HSD17B2: variants seen among roughly 807,000 people sequenced by gnomAD.
The protein encoded by HSD17B2 is 17-beta-hydroxysteroid dehydrogenase type 2.
HSD17B2 carries 32 observed loss-of-function variants against 26.9 expected under a neutral mutation model. The observed-to-expected ratio is 1.19, with a 90% CI of 0.90 to 1.60. The LOEUF is 1.60. Ranked by LOEUF, HSD17B2 falls within the 40% of genes most tolerant of loss-of-function variation. The pLI is 0.00. For synonymous variants in HSD17B2, 246 were observed against 186.7 expected, an observed-to-expected ratio of 1.32 and a Z score of -2.59; for missense variants, 613 against 468.6, an observed-to-expected ratio of 1.31 and a Z score of -2.85.
chr16:82,091,437 G>T (rs1904690861), intron 4 of HSD17B2: 1 of 246,034 alleles, frequency 4.1e-6, no homozygotes, highest in Non-Finnish European at 8.0e-6. Context: ...GATCCTTGAT[G>T]ATTCAGTTCC....
chr16:82,077,534 G>C (rs777601536), intron 3 of HSD17B2, among the ~76,000 whole-genome samples: 2 of 152,124 alleles, frequency 1.3e-5, no homozygotes, highest in African/African-American at 4.8e-5. Flanking sequence ...TTCAAAACCA[G>C]CCTGGGCAAC....
intron 1 of HSD17B2, among the ~76,000 whole-genome samples, chr16:82,063,468 C>T (rs4889453): frequency 0.88 from 133,258 of 152,062 alleles, 60,219 homozygotes; most frequent in Non-Finnish European, 0.99. Flanking sequence ...CGCACCCATT[C>T]GCCTATGCCA....
rs902675272 is a variant in HSD17B2, at chr16:82,098,504, G to A, written c.*68G>A. ...AATGAAAGGGAAACTGGGAAACTGGGTTTCTCATTAAAGTTGTTTCCCACT... is the reference window on the plus strand; with the variant it reads ...AATGAAAGGGAAACTGGGAAACTGGATTTCTCATTAAAGTTGTTTCCCACT... On this transcript the variant is annotated 3_prime_UTR_variant, in exon 5 of 5. Coordinates refer to ENST00000199936, the MANE Select transcript of HSD17B2 (RefSeq NM_002153.3). The A allele has an allele frequency of 1.3e-4, 193 of 1,493,494 alleles. No individual in the cohort carries two copies. The East Asian group carries it at 1.7e-3, about 14-fold the overall frequency. The allele number at this position is 1,493,494 out of a possible 1,614,324, so 92.5% of individuals were successfully genotyped here.
intron 4 of HSD17B2, chr16:82,093,455 G>A (rs1904749378): frequency 6.6e-6 from 1 of 152,158 alleles, no homozygotes; most frequent in Non-Finnish European, 1.5e-5. Flanking sequence ...TCATTTCATT[G>A]CTGTGCAGTA....
intron 3 of HSD17B2, among the ~76,000 whole-genome samples, chr16:82,082,380 T>C (rs1365630688): frequency 6.6e-6 from 1 of 152,184 alleles, no homozygotes; most frequent in East Asian, 1.9e-4. Flanking sequence ...AAATGTCCTC[T>C]TCAATAGGTT....
At chr16:82,083,430 C>T (rs550267975) in intron 3 of HSD17B2, among the ~76,000 whole-genome samples, 22 of 152,236 alleles carry the variant, frequency 1.4e-4, no homozygotes, top group East Asian at 5.8e-4. Flanking sequence ...ATGACAACTG[C>T]GTGACCTTGG....
chr16:82,079,467 A>G (rs1904327355), intron 3 of HSD17B2, among the ~76,000 whole-genome samples: 1 of 152,152 alleles, frequency 6.6e-6, no homozygotes, highest in African/African-American at 2.4e-5. Flanking sequence ...TAAGAATGGC[A>G]GTCATACTGA....
chr16:82,075,631 A>G (rs73603089), intron 3 of HSD17B2, among the ~76,000 whole-genome samples: 3,923 of 152,228 alleles, frequency 0.026, 161 homozygotes, highest in African/African-American at 0.087. Context: ...AGAGATGGAT[A>G]AATTCTTACA....
intron 3 of HSD17B2, among the ~76,000 whole-genome samples, chr16:82,080,564 T>C (rs1904352152): frequency 6.6e-6 from 1 of 152,240 alleles, no homozygotes; most frequent in African/African-American, 2.4e-5. Context: ...TCCTTGATTT[T>C]ATCATAAGAT....
At chr16:82,068,466 C>A (rs576506422) in intron 2 of HSD17B2, 84 bp downstream of exon 2, 83 of 1,129,020 alleles carry the variant, frequency 7.4e-5, no homozygotes, top group African/African-American at 9.2e-5. Flanking sequence ...CATGCCCCCC[C>A]ACTCCACTCT....
At chr16:82,079,312 G>T (rs1904325069) in intron 3 of HSD17B2, among the ~76,000 whole-genome samples, 1 of 152,218 alleles carries the variant, frequency 6.6e-6, no homozygotes. Context: ...CAGTTGTGGA[G>T]GCTGGAAGTC....
chr16:82,090,422 G>A (rs185091104), intron 3 of HSD17B2, among the ~76,000 whole-genome samples: 38 of 139,422 alleles, frequency 2.7e-4, no homozygotes, highest in Admixed American at 2.3e-3. Context: ...GGGTCCAAGC[G>A]ATTCTTACGT....
chr16:82,081,096 C>G (rs1357454622), intron 3 of HSD17B2, among the ~76,000 whole-genome samples: 1 of 152,144 alleles, frequency 6.6e-6, no homozygotes, highest in Non-Finnish European at 1.5e-5. Flanking sequence ...CCAGCACGTT[C>G]ATATCACATC....
At chr16:82,086,264 G>C (rs1904524457) in intron 3 of HSD17B2, among the ~76,000 whole-genome samples, 1 of 152,136 alleles carries the variant, frequency 6.6e-6, no homozygotes. Flanking sequence ...AATAAAATGT[G>C]GCATATCCAT....
chr16:82,083,791 T>C (rs575437289), intron 3 of HSD17B2, among the ~76,000 whole-genome samples: 10 of 152,170 alleles, frequency 6.6e-5, no homozygotes, highest in Non-Finnish European at 1.3e-4. Context: ...GATTTGACCA[T>C]GTCTACTACA....
chr16:82,088,029 G>A (rs1011120031), intron 3 of HSD17B2, among the ~76,000 whole-genome samples: 3 of 152,112 alleles, frequency 2.0e-5, no homozygotes, highest in African/African-American at 7.2e-5. Context: ...AAACCACAGC[G>A]CTTACCCATA....
intron 1 of HSD17B2, among the ~76,000 whole-genome samples, chr16:82,064,298 G>T (rs1336461780): frequency 2.0e-5 from 3 of 152,146 alleles, no homozygotes; most frequent in Admixed American, 6.5e-5. Flanking sequence ...CTTTCACTCA[G>T]TGTAATGGTT....
intron 2 of HSD17B2, among the ~76,000 whole-genome samples, chr16:82,068,764 T>A (rs1404403504): frequency 6.6e-6 from 1 of 152,084 alleles, no homozygotes; most frequent in Non-Finnish European, 1.5e-5. Flanking sequence ...CCCTTCCTCT[T>A]CTCTTTCCTT....
At chr16:82,054,402 T>C (rs997626041) in intron 1 of HSD17B2, among the ~76,000 whole-genome samples, 3 of 152,052 alleles carry the variant, frequency 2.0e-5, no homozygotes, top group African/African-American at 2.4e-5. Flanking sequence ...TGGAGTGTAG[T>C]GGTGTGATCT....
Sources: gnomAD v4.1 joint callset for allele counts (sites outside exome capture counted in the v4.1 genomes callset) on GRCh38, gnomAD v4.1.1 for gene constraint, MANE v1.5 for transcripts, NCBI Gene and HGNC (gene_info 2026-07-23, HGNC 2026-07-21) for gene names.